The following MAST4 variants were observed in gnomAD, a reference collection of about 807,000 sequenced individuals.
The protein encoded by MAST4 is microtubule associated serine/threonine kinase family member 4.
In MAST4, 89 loss-of-function variants were observed where a neutral mutation model predicts 162.7. That is an observed-to-expected ratio of 0.55 (90% CI 0.46 to 0.65). MAST4 has a LOEUF of 0.65. MAST4 is among the 30% of genes least tolerant of loss of function. The pLI, the probability that MAST4 is intolerant of heterozygous loss-of-function variation, is 0.00. For missense variants in MAST4, 3,153 were observed against 3,374.0 expected, an observed-to-expected ratio of 0.93 and a Z score of 1.62; for synonymous variants, 1,479 against 1,361.1, an observed-to-expected ratio of 1.09 and a Z score of -1.91.
chr5:67,129,610 T>C (rs1206724865), intron 14 of MAST4, among the ~76,000 whole-genome samples: 1 of 151,408 alleles, frequency 6.6e-6, no homozygotes, highest in African/African-American at 2.4e-5. Context: ...TGTAATCCCA[T>C]CTACCCAGGA....
At chr5:66,967,487 G>A (rs1224550607) in intron 4 of MAST4, among the ~76,000 whole-genome samples, 2 of 152,062 alleles carry the variant, frequency 1.3e-5, no homozygotes, top group African/African-American at 4.8e-5. Flanking sequence ...GTTGTGGTAA[G>A]ACAAATTTGG....
intron 4 of MAST4, among the ~76,000 whole-genome samples, chr5:67,021,216 A>C (rs909565682): frequency 6.6e-6 from 1 of 152,316 alleles, no homozygotes; most frequent in African/African-American, 2.4e-5. Context: ...GGTACAGGAC[A>C]GAACATGTTG....
intron 3 of MAST4, among the ~76,000 whole-genome samples, chr5:66,876,059 G>T (rs116653563): frequency 4.1e-4 from 63 of 152,350 alleles, no homozygotes; most frequent in African/African-American, 1.4e-3. Context: ...GAGCCACTGT[G>T]CCTGGCCCCA....
At chr5:66,843,892 T>A (rs1758606394) in intron 3 of MAST4, among the ~76,000 whole-genome samples, 3 of 152,152 alleles carry the variant, frequency 2.0e-5, no homozygotes, top group Admixed American at 6.6e-5. Context: ...TTTCGTAGTT[T>A]CATGAATTAT....
intron 1 of MAST4, among the ~76,000 whole-genome samples, chr5:66,634,462 A>G (rs1744979141): frequency 6.6e-6 from 1 of 152,220 alleles, no homozygotes; most frequent in African/African-American, 2.4e-5. Flanking sequence ...TATAGTGCCT[A>G]GAATTTCGTA....
At chr5:66,725,143 G>A (rs956826425) in intron 1 of MAST4, among the ~76,000 whole-genome samples, 3 of 151,244 alleles carry the variant, frequency 2.0e-5, no homozygotes, top group Non-Finnish European at 4.4e-5. Flanking sequence ...GATATCTTAA[G>A]GACAAAGTGA....
chr5:66,625,985 G>T (rs1056731708), intron 1 of MAST4, among the ~76,000 whole-genome samples: 40 of 152,170 alleles, frequency 2.6e-4, no homozygotes, highest in Non-Finnish European at 4.6e-4. Context: ...GCAACAACAT[G>T]GGTGGAGCCA....
chr5:66,887,903 G>A (rs1329815099), intron 3 of MAST4, among the ~76,000 whole-genome samples: 2 of 152,098 alleles, frequency 1.3e-5, no homozygotes, highest in East Asian at 1.9e-4. Flanking sequence ...ACTTCCAGAT[G>A]ATGTTATTTA....
chr5:66,780,067 G>A (rs903714996), intron 2 of MAST4, among the ~76,000 whole-genome samples: 2 of 152,126 alleles, frequency 1.3e-5, no homozygotes, highest in African/African-American at 4.8e-5. Context: ...GTTAAACATT[G>A]TGGTAAAAAA....
chr5:67,119,288 C>CT (rs1410991865), intron 13 of MAST4, among the ~76,000 whole-genome samples: 1 of 151,936 alleles, frequency 6.6e-6, no homozygotes, highest in Non-Finnish European at 1.5e-5. Flanking sequence ...AAGCAATGGG[C>CT]TGGGAGGAGG....
chr5:66,997,618 A>G (rs938804723), intron 4 of MAST4, among the ~76,000 whole-genome samples: 3 of 151,668 alleles, frequency 2.0e-5, no homozygotes, highest in Non-Finnish European at 2.9e-5. Flanking sequence ...TTTTTAGTAG[A>G]GACGGGGTTT....
rs57743987 is a variant in MAST4, at chr5:66,789,988, A to ATTT, written c.642+1222_642+1224dup. The stretch of plus-strand genomic sequence containing the variant: ...CTTTATGTTTAACATGCTTATTAGA[A>ATTT]TTTTTTTTTTTTTTTTTTTTTTTTT... On this transcript the variant is annotated intron_variant, in intron 3 of 28. Coordinates refer to ENST00000403625, the MANE Select transcript of MAST4 (RefSeq NM_001164664.2). Among the ~76,000 whole-genome samples the ATTT allele has an allele frequency of 3.4e-3, 176 of 52,448 alleles. 13 individuals are homozygous for ATTT. The highest frequency in any genetic ancestry group is 0.015 in the African/African-American group (128 of 8,734). The allele number at this position is 52,448 out of a possible 152,430, so 34.4% of individuals were successfully genotyped here.
At chr5:66,762,060 G>A (rs903874596) in intron 2 of MAST4, among the ~76,000 whole-genome samples, 10 of 152,218 alleles carry the variant, frequency 6.6e-5, no homozygotes, top group African/African-American at 2.4e-4. Flanking sequence ...GGGTATGGCT[G>A]TTGATCAGAT....
chr5:66,781,830 A>G (rs963623571), intron 2 of MAST4, among the ~76,000 whole-genome samples: 2 of 152,224 alleles, frequency 1.3e-5, no homozygotes, highest in Non-Finnish European at 2.9e-5. Flanking sequence ...AACTTTTTTA[A>G]TGGAAGCTTT....
At chr5:66,907,939 C>T (rs1580837233) in intron 4 of MAST4, among the ~76,000 whole-genome samples, 2 of 151,732 alleles carry the variant, frequency 1.3e-5, no homozygotes, top group East Asian at 3.9e-4. Context: ...GTCCTCCCAC[C>T]CCCACAAATA....
At position 67,163,460 on chromosome 5, in the gene MAST4, C is replaced by T; in HGVS notation, c.4281C>T (p.Ile1427=). The change falls in exon 29 of 29, where the codon ATC becomes ATT. Residue 1427 remains isoleucine (I), a synonymous_variant. Transcript: ENST00000403625. This position sits in a 1 kb window ranked among gnomAD's most constrained non-coding sequence, Gnocchi z 7.0. ...CCCCGCCCACCATCGTCAGACACAT[C>T]GTGAGGCCCAAGAGTGCGGAGCCCC... The part of the protein sequence containing the change: ...MHSPPTIVRH[I]VRPKSAEPPR... 3 of 1,613,508 alleles carry T rather than the reference C, an allele frequency of 1.9e-6. No homozygotes were observed. Among genetic ancestry groups the T allele is most frequent in the Non-Finnish European group, 1.7e-6 (2 of 1,179,870 alleles).
chr5:67,147,758 T>C (rs894486757), intron 23 of MAST4, among the ~76,000 whole-genome samples: 34 of 152,238 alleles, frequency 2.2e-4, no homozygotes, highest in African/African-American at 8.0e-4. Flanking sequence ...TATCAAGACC[T>C]TCAGTAGCTG....
At position 67,164,848 on chromosome 5, in the gene MAST4, C is replaced by T; in HGVS notation, c.5669C>T (p.Ser1890Phe). ...SRGLQNSPAV[S>F]LPDPEFKRDR... is the part of the protein sequence containing the mutation. ...GGTCTCCAGAATTCACCAGCAGTTT[C>T]CCTGCCTGACCCAGAGTTCAAGAGG... The change falls in exon 29 of 29, where the codon TCC becomes TTC. Residue 1890 changes from serine to phenylalanine, a missense_variant. Ser to Phe is a radical substitution (Grantham distance 155). Coordinates refer to ENST00000403625, the MANE Select transcript of MAST4 (RefSeq NM_001164664.2). This position sits in a 1 kb window ranked among gnomAD's most constrained non-coding sequence, Gnocchi z 5.3. 2 of 1,614,022 alleles carry T rather than the reference C, an allele frequency of 1.2e-6. No individual in the cohort carries two copies. Among genetic ancestry groups the T allele is most frequent in the South Asian group, 1.1e-5 (1 of 91,080 alleles).
chr5:66,597,700 C>A (rs757353376), intron 1 of MAST4, among the ~76,000 whole-genome samples: 22 of 152,058 alleles, frequency 1.4e-4, no homozygotes, highest in Non-Finnish European at 1.8e-4. Context: ...TTACCTTTTG[C>A]GGGGCGGAGC....
Sources: allele counts gnomAD v4.1 joint callset (sites outside exome capture counted in the v4.1 genomes callset), GRCh38; gene constraint gnomAD v4.1.1; non-coding constraint Gnocchi (gnomAD v3.1); transcripts MANE v1.5; gene names NCBI Gene and HGNC (gene_info 2026-07-23, HGNC 2026-07-21).